CUX1: variants seen among roughly 807,000 people sequenced by gnomAD.
CUX1 encodes protein CASP.
In CUX1, 31 loss-of-function variants were observed where a neutral mutation model predicts 158.8. The observed-to-expected ratio is 0.20, with a 90% CI of 0.15 to 0.26. The LOEUF is 0.26. Ranked by LOEUF, CUX1 falls within the 10% of genes least tolerant of loss-of-function variation. The pLI is 1.00. For synonymous variants in CUX1, 879 were observed against 862.1 expected (o/e 1.02, Z -0.34); for missense variants, 1,589 against 2,014.6 (o/e 0.79, Z 4.04).
chr7:102,200,280 T>C (rs1795278644), intron 17 of CUX1, 108 bp downstream of exon 17: 4 of 829,306 alleles, frequency 4.8e-6, no homozygotes, highest in Middle Eastern at 2.3e-4. Flanking sequence ...CAATAATGAA[T>C]GCCTGTTCTC....
chr7:101,978,929 G>A (rs1813070440), intron 2 of CUX1, among the ~76,000 whole-genome samples: 1 of 152,182 alleles, frequency 6.6e-6, no homozygotes. Context: ...ACAGAGCCCG[G>A]GGTATCATAG....
chr7:101,848,244 T>G (rs1795914050), intron 1 of CUX1, among the ~76,000 whole-genome samples: 1 of 152,102 alleles, frequency 6.6e-6, no homozygotes, highest in Non-Finnish European at 1.5e-5. Flanking sequence ...GATTGATTTT[T>G]TTTTCTCCCT....
intron 8 of CUX1, among the ~76,000 whole-genome samples, chr7:102,117,281 C>T (rs1388290332): frequency 2.0e-5 from 3 of 150,124 alleles, no homozygotes; most frequent in African/African-American, 7.4e-5. Flanking sequence ...GCCTGTAACC[C>T]CAGCTACTGA....
chr7:102,108,738 G>T (rs1205547772), intron 6 of CUX1, among the ~76,000 whole-genome samples: 2 of 90,364 alleles, frequency 2.2e-5, no homozygotes, highest in African/African-American at 7.1e-5. Flanking sequence ...CATTCATTTT[G>T]TGTGTGTGTG....
Position 102,178,464 on chromosome 7 carries a change from C to T in CUX1, c.829-5C>T. On this transcript the variant is annotated splice_polypyrimidine_tract_variant and splice_region_variant and intron_variant, in intron 10 of 23. Transcript: ENST00000292535. ...CAGTTTTGTCATCTCTTTTCTCCTCCCCAGGAGCAGGCCATAGAGGTGCTG... is the reference window on the plus strand; with the variant it reads ...CAGTTTTGTCATCTCTTTTCTCCTCTCCAGGAGCAGGCCATAGAGGTGCTG... The T allele has an allele frequency of 4.4e-6, 7 of 1,589,608 alleles. No individual in the cohort carries two copies. The highest frequency in any genetic ancestry group is 6.0e-6 in the Non-Finnish European group (7 of 1,161,726).
At chr7:102,240,214 A>G (rs1311775377) in intron 23 of CUX1, among the ~76,000 whole-genome samples, 1 of 152,142 alleles carries the variant, frequency 6.6e-6, no homozygotes, top group African/African-American at 2.4e-5. Context: ...CATGGTTCAA[A>G]AGGAGTGAAA....
intron 23 of CUX1, among the ~76,000 whole-genome samples, chr7:102,241,855 A>C (rs1800255517): frequency 6.6e-6 from 1 of 152,246 alleles, no homozygotes; most frequent in Non-Finnish European, 1.5e-5. Flanking sequence ...CTACAGCCCC[A>C]GCTACTCAGG....
intron 1 of CUX1, among the ~76,000 whole-genome samples, chr7:101,828,426 G>A (rs535082826): frequency 2.6e-5 from 4 of 152,330 alleles, no homozygotes; most frequent in African/African-American, 9.6e-5. Context: ...ACAGCATTGG[G>A]CAGAACAATT....
At chr7:102,282,806 GC>G in intron 22 of CUX1, 1 of 1,454,738 alleles carries the variant, frequency 6.9e-7, no homozygotes. Flanking sequence ...CCCCCCCTCA[GC>G]CCCACAGCGA....
chr7:101,998,879 A>G (rs919332501), intron 2 of CUX1, among the ~76,000 whole-genome samples: 4 of 152,168 alleles, frequency 2.6e-5, no homozygotes, highest in Non-Finnish European at 5.9e-5. Flanking sequence ...CAAGCAAGAA[A>G]CAGGCCCCTG....
intron 2 of CUX1, among the ~76,000 whole-genome samples, chr7:101,981,798 A>AT (rs1452095655): frequency 6.6e-6 from 1 of 152,008 alleles, no homozygotes; most frequent in Non-Finnish European, 1.5e-5. Context: ...TTTAGAAGAA[A>AT]CGGGGTTTCA....
chr7:102,093,190 C>T (rs1585634817), intron 4 of CUX1, among the ~76,000 whole-genome samples: 1 of 141,012 alleles, frequency 7.1e-6, no homozygotes, highest in Non-Finnish European at 1.5e-5. Flanking sequence ...CAGGGTCTCA[C>T]TCTGTCCCTC....
At chr7:102,233,359 G>T (rs1023727537) in intron 21 of CUX1, among the ~76,000 whole-genome samples, 3 of 151,760 alleles carry the variant, frequency 2.0e-5, no homozygotes, top group Non-Finnish European at 2.9e-5. Context: ...CTAATTTTTT[G>T]TGTGTGTATT....
chr7:101,997,577 C>T (rs1381586196), intron 2 of CUX1, among the ~76,000 whole-genome samples: 1 of 152,092 alleles, frequency 6.6e-6, no homozygotes, highest in East Asian at 1.9e-4. Flanking sequence ...CTTCTGAACT[C>T]AAATGATCCT....
intron 5 of CUX1, among the ~76,000 whole-genome samples, chr7:102,098,807 ATTTTTTTTTTTTTT>A (rs112048598): frequency 1.2e-4 from 8 of 68,000 alleles, no homozygotes; most frequent in Admixed American, 1.0e-3. Flanking sequence ...CGCCCAACTA[ATTTTTTTTTTTTTT>A]TTTTTTTTTT....
At chr7:102,241,243 C>G (rs1800177158) in intron 23 of CUX1, among the ~76,000 whole-genome samples, 1 of 152,070 alleles carries the variant, frequency 6.6e-6, no homozygotes, top group Non-Finnish European at 1.5e-5. Flanking sequence ...TGGAGGAAAC[C>G]CACTGAAGGA....
chr7:101,937,930 G>A (rs1020727968), intron 2 of CUX1, among the ~76,000 whole-genome samples: 4 of 152,122 alleles, frequency 2.6e-5, no homozygotes, highest in African/African-American at 4.8e-5. Flanking sequence ...AGTCTTTAAC[G>A]TTGAGAAGAT....
At position 102,205,305 on chromosome 7, in the gene CUX1, A is replaced by T. The variant is rs942408997; in HGVS notation, c.3130+135A>T. On this transcript the variant is annotated intron_variant, in intron 20 of 23. Coordinates refer to ENST00000292535, the MANE Select transcript of CUX1 (RefSeq NM_181552.4). ...TTGGGGAGCTGAAATATGGCATCCT[A>T]TCTGCAAACGGGGTCCCTCTCTGTG... is the stretch of plus-strand genomic sequence containing the variant. 3 of 675,014 alleles carry T rather than the reference A, an allele frequency of 4.4e-6. No homozygotes were observed. In the Admixed American group the frequency reaches 6.7e-5, roughly 15 times the overall value. 41.8% of individuals were successfully genotyped at this position (675,014 alleles called of 1,614,324 possible).
Position 102,188,205 on chromosome 7 carries a change from A to T in CUX1, c.1018-1608A>T, listed in dbSNP as rs531122461. 3.9e-3 allele frequency among the ~76,000 whole-genome samples: 281 copies of T among 71,700 alleles called. 3 individuals are homozygous for T. The South Asian group carries it at 0.07, about 18-fold the overall frequency. The allele number at this position is 71,700 out of a possible 152,430, so 47.0% of individuals were successfully genotyped here. A position where few individuals can be genotyped will look rare whatever the true frequency, so the allele number is the denominator to read the frequency against. ...CAGAGCAAGATCCTGTCTCTTTTTT[A>T]AAAAAAAAAAGAAGAAGAAGAACAA... On this transcript the variant is annotated intron_variant, in intron 11 of 23. Transcript: ENST00000292535.
Sources: gnomAD v4.1 joint callset for allele counts (sites outside exome capture counted in the v4.1 genomes callset) on GRCh38, gnomAD v4.1.1 for gene constraint, MANE v1.5 for transcripts, NCBI Gene and HGNC (gene_info 2026-07-23, HGNC 2026-07-21) for gene names.